NDST4: variants seen among roughly 807,000 people sequenced by gnomAD.
NDST4 encodes N-deacetylase and N-sulfotransferase 4.
A neutral mutation model predicts 100.8 loss-of-function variants in NDST4; 63 were observed. That is an observed-to-expected ratio of 0.62 (90% CI 0.51 to 0.77). NDST4 has a LOEUF of 0.77. Ranked by LOEUF, NDST4 falls within the 30% of genes least tolerant of loss-of-function variation. NDST4 has a pLI of 0.00. For missense variants in NDST4, 943 were observed against 1,018.4 expected (o/e 0.93, Z 1.01); for synonymous variants, 377 against 361.8 (o/e 1.04, Z -0.48).
intron 11 of NDST4, among the ~76,000 whole-genome samples, chr4:114,836,398 T>C (rs1723305854): frequency 6.6e-6 from 1 of 152,202 alleles, no homozygotes; most frequent in Non-Finnish European, 1.5e-5. Flanking sequence ...TATGAAATTC[T>C]TTTTTCTGTT....
intron 5 of NDST4, among the ~76,000 whole-genome samples, chr4:114,935,987 C>G (rs1455225918): frequency 6.6e-6 from 1 of 150,612 alleles, no homozygotes; most frequent in Admixed American, 6.6e-5. Context: ...TAATTGCCTA[C>G]AGTTTTTTTT....
chr4:115,059,180 T>C (rs1728764714), intron 2 of NDST4, among the ~76,000 whole-genome samples: 1 of 151,992 alleles, frequency 6.6e-6, no homozygotes, highest in African/African-American at 2.4e-5. Flanking sequence ...TGAATTCTGA[T>C]TGTACCAACA....
chr4:114,862,829 T>A (rs1723946300), intron 7 of NDST4, among the ~76,000 whole-genome samples: 1 of 152,180 alleles, frequency 6.6e-6, no homozygotes, highest in Admixed American at 6.6e-5. Context: ...GTTGGGATGC[T>A]AAGCTGTTAC....
intron 4 of NDST4, among the ~76,000 whole-genome samples, chr4:114,958,514 G>A (rs548004084): frequency 6.6e-6 from 1 of 152,130 alleles, no homozygotes; most frequent in Non-Finnish European, 1.5e-5. Context: ...GGCTGCAAAG[G>A]CTTCGGGCTT....
At chr4:115,051,753 T>G (rs1297078344) in intron 2 of NDST4, among the ~76,000 whole-genome samples, 1 of 151,992 alleles carries the variant, frequency 6.6e-6, no homozygotes, top group African/African-American at 2.4e-5. Context: ...ATAGTTGATT[T>G]TGTTCCTTTT....
At chr4:115,033,149 ATATATATATTTT>A (rs1273560505) in intron 2 of NDST4, among the ~76,000 whole-genome samples, 277 of 116,018 alleles carry the variant, frequency 2.4e-3, no homozygotes, top group African/African-American at 0.011. Context: ...ATATATATAT[ATATATATATTTT>A]TTTTTTTTTT....
intron 2 of NDST4, among the ~76,000 whole-genome samples, chr4:115,048,538 C>T (rs572381332): frequency 6.0e-4 from 91 of 152,248 alleles, no homozygotes; most frequent in African/African-American, 2.0e-3. Context: ...CCTCAGTCTA[C>T]GAGAATTTTT....
At chr4:114,878,105 T>C (rs530437079) in intron 6 of NDST4, among the ~76,000 whole-genome samples, 3 of 151,560 alleles carry the variant, frequency 2.0e-5, no homozygotes, top group African/African-American at 7.3e-5. Context: ...TCACCATGTG[T>C]AGGTCAGATG....
intron 2 of NDST4, among the ~76,000 whole-genome samples, chr4:115,066,128 A>G (rs754779514): frequency 6.6e-6 from 1 of 152,220 alleles, no homozygotes; most frequent in Non-Finnish European, 1.5e-5. Flanking sequence ...ATAACTGTGA[A>G]TATGTCCTGT....
intron 6 of NDST4, among the ~76,000 whole-genome samples, chr4:114,893,228 A>G (rs1302122300): frequency 1.3e-5 from 2 of 152,206 alleles, no homozygotes; most frequent in Non-Finnish European, 2.9e-5. Context: ...TCCTTATGAT[A>G]GAATGATTTA....
At chr4:114,947,623 C>T (rs1013234063) in intron 4 of NDST4, among the ~76,000 whole-genome samples, 1 of 151,968 alleles carries the variant, frequency 6.6e-6, no homozygotes, top group African/African-American at 2.4e-5. Flanking sequence ...TGGTATTATC[C>T]AGCCCATTAT....
intron 4 of NDST4, among the ~76,000 whole-genome samples, chr4:114,938,024 G>C (rs924801341): frequency 6.6e-6 from 1 of 152,158 alleles, no homozygotes; most frequent in Non-Finnish European, 1.5e-5. Context: ...TGAGCCTGGA[G>C]GGCCAAGATC....
At chr4:114,992,009 C>T (rs1727050245) in intron 2 of NDST4, among the ~76,000 whole-genome samples, 1 of 151,758 alleles carries the variant, frequency 6.6e-6, no homozygotes, top group Admixed American at 6.6e-5. Flanking sequence ...TTCTTCAATA[C>T]ATTGTTTATT....
At chr4:114,884,817 T>A (rs1560794581) in intron 6 of NDST4, among the ~76,000 whole-genome samples, 1 of 152,140 alleles carries the variant, frequency 6.6e-6, no homozygotes, top group East Asian at 1.9e-4. Context: ...AATATCGTGA[T>A]TGACACTATC....
At chr4:114,887,967 C>T (rs2126204684) in intron 6 of NDST4, among the ~76,000 whole-genome samples, 1 of 152,180 alleles carries the variant, frequency 6.6e-6, no homozygotes, top group East Asian at 1.9e-4. Flanking sequence ...CTTTGAGATG[C>T]TAAGGTGTGA....
chr4:114,985,786 C>T (rs1007792278), intron 2 of NDST4, among the ~76,000 whole-genome samples: 32 of 152,118 alleles, frequency 2.1e-4, no homozygotes, highest in Non-Finnish European at 4.7e-4. Context: ...TCAGTATCTA[C>T]GTTTCAACAA....
chr4:114,986,832 A>ATATATATATATATTTTTTTTTTTT, intron 2 of NDST4, among the ~76,000 whole-genome samples: 4 of 94,662 alleles, frequency 4.2e-5, no homozygotes, highest in Admixed American at 1.2e-4. Context: ...ATATATATAT[A>ATATATATATATATTTTTTTTTTTT]TTTTAATATA....
intron 2 of NDST4, among the ~76,000 whole-genome samples, chr4:115,038,793 T>C (rs1388121595): frequency 6.6e-6 from 1 of 152,040 alleles, no homozygotes; most frequent in Non-Finnish European, 1.5e-5. Context: ...TTGGGCAACA[T>C]AGTAAAACCC....
intron 4 of NDST4, among the ~76,000 whole-genome samples, chr4:114,939,189 A>G (rs1319443172): frequency 6.6e-6 from 1 of 152,152 alleles, no homozygotes; most frequent in African/African-American, 2.4e-5. Context: ...TCCAGCATCC[A>G]AGACATTGCA....
Sources: gnomAD v4.1 joint callset for allele counts (sites outside exome capture counted in the v4.1 genomes callset) on GRCh38, gnomAD v4.1.1 for gene constraint, MANE v1.5 for transcripts, NCBI Gene and HGNC (gene_info 2026-07-23, HGNC 2026-07-21) for gene names.